PIGB: variants seen among roughly 807,000 people sequenced by gnomAD.
The protein encoded by PIGB is phosphatidylinositol glycan anchor biosynthesis class B, also known as GPI alpha-1,2-mannosyltransferase 3.
PIGB carries 58 observed loss-of-function variants against 68.4 expected under a neutral mutation model. That is an observed-to-expected ratio of 0.85 (90% CI 0.69 to 1.06). The LOEUF (loss-of-function observed/expected upper bound fraction) is 1.06, where lower values mean the gene tolerates loss of function less well. PIGB is among the 50% of genes least tolerant of loss of function. The pLI is 0.00. For synonymous variants in PIGB, 219 were observed against 220.5 expected, an observed-to-expected ratio of 0.99 and a Z score of 0.06; for missense variants, 634 against 655.8, an observed-to-expected ratio of 0.97 and a Z score of 0.36.
intron 10 of PIGB, 64 bp from the exon 11 acceptor site, chr15:55,354,732 ATC>A: frequency 8.0e-7 from 1 of 1,257,508 alleles, no homozygotes; most frequent in Non-Finnish European, 1.1e-6. Flanking sequence ...TAAATGACAT[ATC>A]TTAAGACTAA....
intron 5 of PIGB, among the ~76,000 whole-genome samples, chr15:55,330,282 C>T (rs2055384294): frequency 6.6e-6 from 1 of 152,198 alleles, no homozygotes; most frequent in Non-Finnish European, 1.5e-5. Flanking sequence ...ATAATCCTGA[C>T]CCAACTCTTC....
chr15:55,324,968 G>A, intron 3 of PIGB: 1 of 231,524 alleles, frequency 4.3e-6, no homozygotes, highest in Non-Finnish European at 7.1e-6. Flanking sequence ...AGTGCTAAAA[G>A]CCACTGACAA....
At chr15:55,349,282 A>T (rs920945277) in intron 9 of PIGB, among the ~76,000 whole-genome samples, 17 of 152,134 alleles carry the variant, frequency 1.1e-4, no homozygotes, top group Admixed American at 9.8e-4. Context: ...TCATGAGCAC[A>T]GGTGAACCTC....
chr15:55,337,442 T>G (rs879724138), intron 6 of PIGB, among the ~76,000 whole-genome samples: 13 of 152,170 alleles, frequency 8.5e-5, no homozygotes, highest in Non-Finnish European at 1.9e-4. Context: ...CCACCTCCTG[T>G]CACATTCTTA....
At chr15:55,325,953 T>C (rs993319731) in intron 3 of PIGB, among the ~76,000 whole-genome samples, 1 of 152,066 alleles carries the variant, frequency 6.6e-6, no homozygotes, top group East Asian at 1.9e-4. Context: ...TCCTAGCACG[T>C]TGGGAGGCCG....
At chr15:55,324,077 G>T (rs984686773) in intron 3 of PIGB, among the ~76,000 whole-genome samples, 1 of 152,092 alleles carries the variant, frequency 6.6e-6, no homozygotes, top group African/African-American at 2.4e-5. Flanking sequence ...TAGTAGAGAC[G>T]GGGTTTCACC....
At chr15:55,328,437 T>C (rs2055340078) in intron 4 of PIGB, among the ~76,000 whole-genome samples, 1 of 152,178 alleles carries the variant, frequency 6.6e-6, no homozygotes, top group African/African-American at 2.4e-5. Context: ...AGTAACCAAT[T>C]TAGCAACATA....
chr15:55,353,998 T>TAAAAATAAAAAAAAAAAAAAAAAAAA (rs112479438), intron 10 of PIGB, among the ~76,000 whole-genome samples: 1 of 112,032 alleles, frequency 8.9e-6, no homozygotes, highest in African/African-American at 4.2e-5. Context: ...TCATCTTAAA[T>TAAAAATAAAAAAAAAAAAAAAAAAAA]AAAAAAAAAA....
At chr15:55,328,618 C>T (rs2141174374) in intron 4 of PIGB, among the ~76,000 whole-genome samples, 2 of 152,260 alleles carry the variant, frequency 1.3e-5, no homozygotes, top group Middle Eastern at 6.8e-3. Flanking sequence ...TTGCAGAAGG[C>T]TCAACATAAA....
chr15:55,336,725 C>G (rs148335995), intron 6 of PIGB, among the ~76,000 whole-genome samples: 94 of 152,342 alleles, frequency 6.2e-4, no homozygotes, highest in Admixed American at 1.2e-3. Flanking sequence ...CGATGGCTCA[C>G]GCCTATAATC....
At chr15:55,355,046 G>A (rs984113572) in intron 11 of PIGB, 68 bp downstream of exon 11, 77 of 1,286,284 alleles carry the variant, frequency 6.0e-5, no homozygotes, top group Middle Eastern at 3.7e-4. Context: ...AAACCCTCAG[G>A]TAAATAGATA....
At chr15:55,346,937 T>C (rs1361891168) in intron 9 of PIGB, among the ~76,000 whole-genome samples, 1 of 152,234 alleles carries the variant, frequency 6.6e-6, no homozygotes, top group East Asian at 1.9e-4. Flanking sequence ...AACTCATTTC[T>C]GAAATCCCCT....
chr15:55,339,649 A>T (rs1406692057), intron 7 of PIGB, among the ~76,000 whole-genome samples: 3 of 152,240 alleles, frequency 2.0e-5, no homozygotes, highest in Non-Finnish European at 2.9e-5. Context: ...AATATGTCAC[A>T]TTGTAAAGTA....
intron 3 of PIGB, among the ~76,000 whole-genome samples, chr15:55,321,646 C>CTTTTTTTTTT (rs966940527): frequency 1.5e-5 from 1 of 68,348 alleles, no homozygotes. Flanking sequence ...ATACTTCTTT[C>CTTTTTTTTTT]TTTTTTTTTT....
At chr15:55,327,762 C>T in intron 4 of PIGB, 127 bp downstream of exon 4, 1 of 674,490 alleles carries the variant, frequency 1.5e-6, no homozygotes, top group Non-Finnish European at 2.6e-6. Flanking sequence ...GAGGTACTTC[C>T]ATAAATAAGA....
At chr15:55,328,026 T>G (rs566613303) in intron 4 of PIGB, among the ~76,000 whole-genome samples, 10 of 152,342 alleles carry the variant, frequency 6.6e-5, no homozygotes, top group Admixed American at 5.9e-4. Flanking sequence ...CCAGCCTCTA[T>G]CTGAGGTGCA....
At chr15:55,339,414 C>T (rs771636975) in intron 7 of PIGB, 96 bp downstream of exon 7, 26 of 772,608 alleles carry the variant, frequency 3.4e-5, no homozygotes, top group Non-Finnish European at 5.5e-5. Flanking sequence ...ATATGGGATA[C>T]ATTACAAAAG....
intron 4 of PIGB, among the ~76,000 whole-genome samples, chr15:55,328,689 C>G (rs1052063670): frequency 2.0e-5 from 3 of 152,150 alleles, no homozygotes; most frequent in Admixed American, 6.5e-5. Flanking sequence ...GCACTAGGGC[C>G]GGGCATGGTG....
chr15:55,341,271 G>T lies in PIGB; in HGVS notation c.1058+448G>T, dbSNP rs1292693703. Among the ~76,000 whole-genome samples the T allele has an allele frequency of 3.3e-5, 5 of 152,266 alleles. No homozygotes were observed. In the East Asian group the frequency reaches 5.8e-4, roughly 18 times the overall value. On this transcript the variant is annotated intron_variant, in intron 8 of 11. Coordinates refer to ENST00000164305, the MANE Select transcript of PIGB (RefSeq NM_004855.5). ...AGCTATTGGGGAAGCTGAGGCAGAA[G>T]GACTGCTTGAGCCCAGGAATTTAAG... is the stretch of plus-strand genomic sequence containing the variant.
Sources: allele counts gnomAD v4.1 joint callset (sites outside exome capture counted in the v4.1 genomes callset), GRCh38; gene constraint gnomAD v4.1.1; transcripts MANE v1.5; gene names NCBI Gene and HGNC (gene_info 2026-07-23, HGNC 2026-07-21).